The following PPP5C variants were observed in gnomAD, a reference collection of about 807,000 sequenced individuals.
PPP5C encodes protein phosphatase 5 catalytic subunit.
Under a neutral mutation model 66.7 loss-of-function variants are expected in PPP5C, and 21 were observed. The observed-to-expected ratio is 0.31, with a 90% confidence interval of 0.22 to 0.45. The LOEUF (loss-of-function observed/expected upper bound fraction) is 0.45, where lower values mean the gene tolerates loss of function less well. Ranked by LOEUF, PPP5C falls within the 20% of genes least tolerant of loss-of-function variation. The pLI is 1.00. For missense variants in PPP5C, 464 were observed against 675.9 expected (o/e 0.69, Z 3.48); for synonymous variants, 246 against 257.4 (o/e 0.96, Z 0.43).
chr19:46,383,925 C>T lies in PPP5C; in HGVS notation c.798+47C>T, dbSNP rs765611047. On this transcript the variant is annotated intron_variant, in intron 6 of 12. Transcript: ENST00000012443. This position sits in a 1 kb window ranked among gnomAD's most constrained non-coding sequence, Gnocchi z 5.0. Reference sequence around the variant, plus strand: ...CCCTCTCCCCACCTCCACCCCCAGCCGCAGCCTCAGGTCTGCACAGAGTGG... The same window carrying T: ...CCCTCTCCCCACCTCCACCCCCAGCTGCAGCCTCAGGTCTGCACAGAGTGG... 23 of 1,478,962 alleles carry T rather than the reference C, an allele frequency of 1.6e-5. No homozygotes were observed. Among genetic ancestry groups the T allele is most frequent in the East Asian group, 2.3e-5 (1 of 44,234 alleles). The allele number at this position is 1,478,962 out of a possible 1,614,324, so 91.6% of individuals were successfully genotyped here. A position where few individuals can be genotyped will look rare whatever the true frequency, so the allele number is the denominator to read the frequency against.
chr19:46,352,169 C>G (rs1972198197), intron 1 of PPP5C, among the ~76,000 whole-genome samples: 1 of 152,210 alleles, frequency 6.6e-6, no homozygotes, highest in African/African-American at 2.4e-5. Context: ...TGCCCCAACC[C>G]TAAACACTGG....
In PPP5C at chr19:46,376,787, A is replaced by G. The variant is rs1430446243; in HGVS notation, c.633+213A>G. On this transcript the variant is annotated intron_variant, in intron 4 of 12. Coordinates refer to ENST00000012443, the MANE Select transcript of PPP5C (RefSeq NM_006247.4). The surrounding 1 kb of genome is among the most constrained non-coding windows in gnomAD (Gnocchi z 5.1). ...GGGAGGTGGCAGGCAGTGCCATTTG[A>G]CAGATGCAGGGACAAAGGGCCAGAG... The G allele has an allele frequency of 4.7e-5, 28 of 590,612 alleles. No individual in the cohort carries two copies. 36.6% of individuals were successfully genotyped at this position (590,612 alleles called of 1,614,324 possible). A position where few individuals can be genotyped will look rare whatever the true frequency, so the allele number is the denominator to read the frequency against.
chr19:46,378,089 A>C (rs1402414489), intron 4 of PPP5C, among the ~76,000 whole-genome samples: 1 of 152,212 alleles, frequency 6.6e-6, no homozygotes, highest in African/African-American at 2.4e-5. Flanking sequence ...CTGAAGATGG[A>C]CATTAATGCT....
At chr19:46,365,262 C>T (rs185829051) in intron 2 of PPP5C, among the ~76,000 whole-genome samples, 58 of 152,274 alleles carry the variant, frequency 3.8e-4, no homozygotes, top group Middle Eastern at 6.8e-3. Context: ...GGATTACAAG[C>T]GTGAGCCACC....
rs1243530597 is a variant in PPP5C, at chr19:46,388,340, G to A, written c.1136-68G>A. The A allele has an allele frequency of 3.3e-6, 5 of 1,521,282 alleles. No individual in the cohort carries two copies. The South Asian group carries it at 5.0e-5, about 15-fold the overall frequency. The allele number at this position is 1,521,282 out of a possible 1,614,324, so 94.2% of individuals were successfully genotyped here. A position where few individuals can be genotyped will look rare whatever the true frequency, so the allele number is the denominator to read the frequency against. ...GGGTCAGCACCTGGCCGGGCCAGGA[G>A]GTGGCCTGTGAGTGACCACCCCCGG... On this transcript the variant is annotated intron_variant, in intron 9 of 12. Transcript: ENST00000012443. This position sits in a 1 kb window ranked among gnomAD's most constrained non-coding sequence, Gnocchi z 4.9.
At position 46,390,726 on chromosome 19, in the gene PPP5C, A is replaced by AG. The variant is rs954207290; in HGVS notation, c.*386dup. The AG allele has an allele frequency of 7.0e-5, 81 of 1,149,292 alleles. No homozygotes were observed. The African/African-American group carries it at 1.1e-3, about 15-fold the overall frequency. The allele number at this position is 1,149,292 out of a possible 1,614,324, so 71.2% of individuals were successfully genotyped here. Reference sequence around the variant, plus strand: ...GAAGACCCCCAGAGAGAGGGTCAGCAGGGGGGCCCCGCCTGCGCCTCCCCT... The same window carrying AG: ...GAAGACCCCCAGAGAGAGGGTCAGCAGGGGGGGCCCCGCCTGCGCCTCCCCT... On this transcript the variant is annotated 3_prime_UTR_variant, in exon 13 of 13. Coordinates refer to ENST00000012443, the MANE Select transcript of PPP5C (RefSeq NM_006247.4).
intron 2 of PPP5C, among the ~76,000 whole-genome samples, chr19:46,359,930 C>T (rs1192532309): frequency 6.6e-6 from 1 of 152,036 alleles, no homozygotes; most frequent in African/African-American, 2.4e-5. Flanking sequence ...CAGGCACCTG[C>T]CACACACCTG....
Position 46,376,395 on chromosome 19 carries a change from C to G in PPP5C, c.512-58C>G. 1 of 1,594,316 alleles carries G rather than the reference C, an allele frequency of 6.3e-7. No individual in the cohort carries two copies. The highest frequency in any genetic ancestry group is 8.6e-7 in the Non-Finnish European group (1 of 1,167,394). On this transcript the variant is annotated intron_variant, in intron 3 of 12. Transcript: ENST00000012443. This position sits in a 1 kb window ranked among gnomAD's most constrained non-coding sequence, Gnocchi z 5.1. ...TCCCCATCCCTGGGAGCGAGACCCC[C>G]TTCTCCCTCATAGTGGCTGTGGTCA...
Position 46,388,304 on chromosome 19 carries a change from G to A in PPP5C, c.1136-104G>A. On this transcript the variant is annotated intron_variant, in intron 9 of 12. Transcript: ENST00000012443. This position sits in a 1 kb window ranked among gnomAD's most constrained non-coding sequence, Gnocchi z 4.9. ...TGTCCCCTGCCCAACACCCACCCAG[G>A]CTGGGCTGTGGGGTCAGCACCTGGC... 1 of 1,272,640 alleles carries A rather than the reference G, an allele frequency of 7.9e-7. No individual in the cohort carries two copies. Among genetic ancestry groups the A allele is most frequent in the Non-Finnish European group, 1.1e-6 (1 of 930,010 alleles). 78.8% of individuals were successfully genotyped at this position (1,272,640 alleles called of 1,614,324 possible). A position where few individuals can be genotyped will look rare whatever the true frequency, so the allele number is the denominator to read the frequency against.
Position 46,390,140 on chromosome 19 carries a change from A to AC in PPP5C, c.1437+12dup, listed in dbSNP as rs1382215421. On this transcript the variant is annotated intron_variant, in intron 12 of 12. Transcript: ENST00000012443. ...CACCAGTTCACAGCAGTGGTGAGTC[A>AC]CCCCTCAGGGCCCCTGCCCCTTCCA... is the stretch of plus-strand genomic sequence containing the variant. 3.1e-6 allele frequency: 5 copies of AC among 1,612,790 alleles called. No individual in the cohort carries two copies. Among genetic ancestry groups the AC allele is most frequent in the Non-Finnish European group, 3.4e-6 (4 of 1,179,392 alleles).
At position 46,353,758 on chromosome 19, in the gene PPP5C, C is replaced by T. The variant is rs917948; in HGVS notation, c.132C>T (p.Tyr44=). Residue 44 remains tyrosine (Y), a synonymous_variant, in exon 2 of 13, where the codon TAC becomes TAT. Transcript: ENST00000012443. ...QANDYFKAKD[Y]ENAIKFYSQA... is the part of the protein sequence containing the mutation. Reference sequence around the variant, plus strand: ...CTTCTGTCTCCGCAGCCAAGGACTACGAGAACGCCATCAAGTTCTACAGCC... The same window carrying T: ...CTTCTGTCTCCGCAGCCAAGGACTATGAGAACGCCATCAAGTTCTACAGCC... 199,183 of 1,613,882 alleles carry T rather than the reference C, an allele frequency of 0.12. 17,160 individuals are homozygous for T. Among genetic ancestry groups the T allele is most frequent in the East Asian group, 0.38 (16,827 of 44,862 alleles).
intron 2 of PPP5C, among the ~76,000 whole-genome samples, chr19:46,368,411 T>G (rs1972527527): frequency 6.6e-6 from 1 of 152,236 alleles, no homozygotes; most frequent in South Asian, 2.1e-4. Flanking sequence ...CAGAAGCAGT[T>G]TGCTTTCAGT....
chr19:46,357,346 C>T (rs945705821), intron 2 of PPP5C, among the ~76,000 whole-genome samples: 5 of 152,204 alleles, frequency 3.3e-5, no homozygotes, highest in Non-Finnish European at 7.3e-5. Context: ...TGGCACCCGG[C>T]CCCAAAGTGT....
chr19:46,390,030 A>C lies in PPP5C; in HGVS notation c.1356-21A>C, dbSNP rs370394089. ...CCACCCAGCCCTGACCACACTGTCC[A>C]CTCTGCTCCTGTCCCTGCAGCGACC... On this transcript the variant is annotated intron_variant, in intron 11 of 12. Transcript: ENST00000012443. 3.5e-5 allele frequency: 56 copies of C among 1,610,928 alleles called. No homozygotes were observed. In the African/African-American group the frequency reaches 7.4e-4, roughly 21 times the overall value.
At chr19:46,382,775 G>A in intron 4 of PPP5C, 1 of 988,212 alleles carries the variant, frequency 1.0e-6, no homozygotes, top group Non-Finnish European at 1.2e-6. Context: ...CATCATTGAT[G>A]TGATAATACT....
intron 1 of PPP5C, among the ~76,000 whole-genome samples, chr19:46,347,952 A>C (rs1239427566): frequency 6.6e-6 from 1 of 151,604 alleles, no homozygotes; most frequent in Non-Finnish European, 1.5e-5. Flanking sequence ...AAAAAAAAAA[A>C]ACAAAAAAAA....
intron 4 of PPP5C, among the ~76,000 whole-genome samples, chr19:46,380,154 T>G (rs1972765797): frequency 6.6e-6 from 1 of 152,004 alleles, no homozygotes; most frequent in Admixed American, 6.5e-5. Flanking sequence ...ACCCTGTCTC[T>G]ACTAAAAATA....
rs1972941470 is a variant in PPP5C, at chr19:46,388,927, T to C, written c.1355+196T>C. Among the ~76,000 whole-genome samples the C allele has an allele frequency of 6.6e-6, 1 of 152,182 alleles. No homozygotes were observed. On this transcript the variant is annotated intron_variant, in intron 11 of 12. Transcript: ENST00000012443. The surrounding 1 kb of genome is among the most constrained non-coding windows in gnomAD (Gnocchi z 4.9). ...GCCTGTGAGTGCTGACCAGCTGCCC[T>C]GTGTTACAGCAAGCCCCTGGCACTT... is the stretch of plus-strand genomic sequence containing the variant.
At chr19:46,354,660 G>A (rs1168565884) in intron 2 of PPP5C, among the ~76,000 whole-genome samples, 1 of 152,130 alleles carries the variant, frequency 6.6e-6, no homozygotes, top group Non-Finnish European at 1.5e-5. Flanking sequence ...AGCCAAGCGT[G>A]GTGGCACGCA....
Sources: allele counts gnomAD v4.1 joint callset (sites outside exome capture counted in the v4.1 genomes callset), GRCh38; gene constraint gnomAD v4.1.1; non-coding constraint Gnocchi (gnomAD v3.1); transcripts MANE v1.5; gene names NCBI Gene and HGNC (gene_info 2026-07-23, HGNC 2026-07-21).